NTSR2: variants seen among roughly 807,000 people sequenced by gnomAD.
NTSR2 encodes neurotensin receptor type 2.
In NTSR2, 22 loss-of-function variants were observed where a neutral mutation model predicts 24.1. That is an observed-to-expected ratio of 0.91 (90% CI 0.65 to 1.30). The LOEUF (loss-of-function observed/expected upper bound fraction) is 1.30. NTSR2 is among the 50% of genes most tolerant of loss of function. The probability of loss-of-function intolerance (pLI) is 0.00; values close to 1 mark genes in which losing one functional copy is unlikely to be tolerated. For synonymous variants in NTSR2, 291 were observed against 267.0 expected (o/e 1.09, Z -0.88); for missense variants, 570 against 570.4 (o/e 1.00, Z 0.01).
intron 2 of NTSR2, among the ~76,000 whole-genome samples, chr2:11,661,691 C>G (rs905664018): frequency 2.6e-5 from 4 of 152,208 alleles, no homozygotes; most frequent in Admixed American, 2.6e-4. Context: ...TCCACACCGC[C>G]AGACTCACTG....
chr2:11,661,884 GA>G, intron 2 of NTSR2, 82 bp downstream of exon 2: 1 of 1,336,870 alleles, frequency 7.5e-7, no homozygotes, highest in East Asian at 2.5e-5. Flanking sequence ...GTGACTTGCT[GA>G]GGTCACCCGG....
chr2:11,660,914 T>G (rs1010564995), intron 2 of NTSR2, among the ~76,000 whole-genome samples: 1 of 152,170 alleles, frequency 6.6e-6, no homozygotes. Flanking sequence ...AAGTTCCTTC[T>G]TAGCATCTCT....
At chr2:11,661,274 A>C (rs6432224) in intron 2 of NTSR2, among the ~76,000 whole-genome samples, 1 of 152,178 alleles carries the variant, frequency 6.6e-6, no homozygotes, top group Non-Finnish European at 1.5e-5. Flanking sequence ...ATGGACATCA[A>C]CTTTTTCAAT....
intron 1 of NTSR2, among the ~76,000 whole-genome samples, chr2:11,664,986 G>A (rs929711480): frequency 6.6e-6 from 1 of 151,494 alleles, no homozygotes; most frequent in African/African-American, 2.4e-5. Flanking sequence ...CCCTGGCCAG[G>A]TTGAACCATG....
chr2:11,663,688 CT>C (rs1661131863), intron 1 of NTSR2, among the ~76,000 whole-genome samples: 1 of 152,120 alleles, frequency 6.6e-6, no homozygotes, highest in Admixed American at 6.5e-5. Flanking sequence ...TAGAATTACA[CT>C]GGAAGGAGGA....
chr2:11,662,700 G>A (rs1444934826), intron 1 of NTSR2, among the ~76,000 whole-genome samples: 1 of 152,154 alleles, frequency 6.6e-6, no homozygotes, highest in Admixed American at 6.5e-5. Context: ...AGAATGGTGT[G>A]AACCCAGGAG....
intron 1 of NTSR2, among the ~76,000 whole-genome samples, chr2:11,667,992 C>A (rs997400806): frequency 4.6e-5 from 7 of 152,198 alleles, no homozygotes; most frequent in Non-Finnish European, 1.0e-4. Flanking sequence ...CCAGGACAGC[C>A]ACTCCACAGA....
intron 1 of NTSR2, 46 bp downstream of exon 1, chr2:11,669,460 G>GGGGGGGGGGGGGGGGCCCCCCCCC: frequency 4.7e-5 from 12 of 254,720 alleles, no homozygotes; most frequent in Admixed American, 6.7e-5. Flanking sequence ...TCCCAGCACC[G>GGGGGGGGGGGGGGGGCCCCCCCCC]CCCCCCCACC....
chr2:11,666,634 G>A (rs1035392012), intron 1 of NTSR2, among the ~76,000 whole-genome samples: 1 of 152,214 alleles, frequency 6.6e-6, no homozygotes, highest in Non-Finnish European at 1.5e-5. Flanking sequence ...AGAAGGCCGA[G>A]GTTGCAGTGA....
intron 1 of NTSR2, among the ~76,000 whole-genome samples, chr2:11,669,187 C>T (rs750285245): frequency 1.3e-4 from 20 of 152,202 alleles, no homozygotes; most frequent in Non-Finnish European, 2.4e-4. Flanking sequence ...AGGCAGGAAC[C>T]TGGGTGGGTC....
chr2:11,669,438 G>A (rs2148490460), intron 1 of NTSR2, 68 bp downstream of exon 1: 1 of 919,420 alleles, frequency 1.1e-6, no homozygotes, highest in South Asian at 3.0e-5. Context: ...CCGGGGAGAG[G>A]GGGTTCCCTC....
chr2:11,669,871 C>A lies in NTSR2; in HGVS notation c.259G>T (p.Val87Leu). The change falls in exon 1 of 4, where the codon GTG (valine) becomes TTG (leucine). Residue 87 changes from valine (V) to leucine (L), a missense_variant. Coordinates refer to ENST00000306928, the MANE Select transcript of NTSR2 (RefSeq NM_012344.4). ...LAGLLLLLVG[V>L]PVELYSFVWF... is the part of the protein sequence containing the mutation. ...ACGAAGCTGTAGAGCTCCACCGGCA[C>A]GCCGACCAGCAGCAGCAGCAGGCCC... The A allele has an allele frequency of 2.5e-6, 4 of 1,585,554 alleles. No homozygotes were observed. The highest frequency in any genetic ancestry group is 3.4e-6 in the Non-Finnish European group (4 of 1,172,502).
Position 11,669,632 on chromosome 2 carries a change from G to A in NTSR2, c.498C>T (p.Leu166=). 1.9e-6 allele frequency: 3 copies of A among 1,563,994 alleles called. No homozygotes were observed. Among genetic ancestry groups the A allele is most frequent in the Non-Finnish European group, 2.6e-6 (3 of 1,161,662 alleles). Residue 166 remains leucine (L), a synonymous_variant, in exon 1 of 4, where the codon CTC becomes CTT. Transcript: ENST00000306928. ...CCATGATGACGGCCATGGGCAGGGCGAGGCCGAGCGAGGCGGCCCACGAGA... is the reference window on the plus strand; with the variant it reads ...CCATGATGACGGCCATGGGCAGGGCAAGGCCGAGCGAGGCGGCCCACGAGA... The part of the protein sequence containing the change: ...VALSWAASLG[L]ALPMAVIMGQ...
Position 11,658,566 on chromosome 2 carries a change from G to C in NTSR2, c.1146C>G (p.Pro382=), listed in dbSNP as rs142498936. 1.9e-6 allele frequency: 3 copies of C among 1,614,186 alleles called. No individual in the cohort carries two copies. In the South Asian group the frequency reaches 3.3e-5, roughly 18 times the overall value. ...AVSSLCGEHH[P]MKRLPPKPQS... ...GGGGCTTCGGGGGTAACCGCTTCATGGGGTGGTGCTCTCCACACAGGGAGC... is the reference window on the plus strand; with the variant it reads ...GGGGCTTCGGGGGTAACCGCTTCATCGGGTGGTGCTCTCCACACAGGGAGC... The change falls in exon 4 of 4, where the codon CCC becomes CCG. Residue 382 remains proline (P), a synonymous_variant. Coordinates refer to ENST00000306928, the MANE Select transcript of NTSR2 (RefSeq NM_012344.4).
chr2:11,668,249 T>G (rs1661247023), intron 1 of NTSR2, among the ~76,000 whole-genome samples: 1 of 152,178 alleles, frequency 6.6e-6, no homozygotes. Context: ...CTGAGGCCCT[T>G]CAGTCCTCTA....
intron 2 of NTSR2, 128 bp downstream of exon 2, chr2:11,661,839 T>G (rs1293339399): frequency 2.5e-6 from 2 of 806,856 alleles, no homozygotes; most frequent in Non-Finnish European, 1.9e-6. Flanking sequence ...ACAGTTCCCC[T>G]GGGGCATAGG....
At chr2:11,662,567 G>A (rs541906988) in intron 1 of NTSR2, among the ~76,000 whole-genome samples, 1 of 152,292 alleles carries the variant, frequency 6.6e-6, no homozygotes, top group Non-Finnish European at 1.5e-5. Flanking sequence ...GGATCACGAG[G>A]TCAGGAGATC....
intron 1 of NTSR2, among the ~76,000 whole-genome samples, chr2:11,663,490 G>C (rs983743007): frequency 2.6e-5 from 4 of 151,734 alleles, no homozygotes; most frequent in Admixed American, 1.3e-4. Context: ...TAGAGGAGCT[G>C]AAAATGAACT....
intron 3 of NTSR2, 57 bp downstream of exon 3, chr2:11,659,986 A>T (rs1661033869): frequency 1.4e-6 from 2 of 1,454,406 alleles, no homozygotes; most frequent in African/African-American, 1.4e-5. Context: ...TGGAGACCCC[A>T]GGCCTAGCCC....
Sources: allele counts gnomAD v4.1 joint callset (sites outside exome capture counted in the v4.1 genomes callset), GRCh38; gene constraint gnomAD v4.1.1; transcripts MANE v1.5; gene names NCBI Gene and HGNC (gene_info 2026-07-23, HGNC 2026-07-21).